Variants in SLC22A5 observed in about 807,000 individuals in gnomAD.
SLC22A5 encodes solute carrier family 22 member 5.
A neutral mutation model predicts 56.7 loss-of-function variants in SLC22A5; 44 were observed. The ratio of observed to expected loss-of-function variants is 0.78; its 90% CI spans 0.61 to 1.00. SLC22A5 has a LOEUF of 1.00. SLC22A5 is among the 50% of genes least tolerant of loss of function. The pLI, the probability that SLC22A5 is intolerant of heterozygous loss-of-function variation, is 0.00. For missense variants in SLC22A5, 675 were observed against 723.0 expected (o/e 0.93, Z 0.76); for synonymous variants, 278 against 292.1 (o/e 0.95, Z 0.49).
intron 3 of SLC22A5, 136 bp downstream of exon 3, chr5:132,384,437 G>T (rs1293925762): frequency 1.1e-6 from 1 of 947,898 alleles, no homozygotes; most frequent in African/African-American, 1.6e-5. Context: ...GCTTCCTGGT[G>T]AACCTTACTT....
rs1284515414 is a variant in SLC22A5, at chr5:132,394,972, A to C, written c.*700A>C. 6.6e-6 allele frequency: 1 copy of C among 152,478 alleles called. No homozygotes were observed. The highest frequency in any genetic ancestry group is 1.5e-5 in the Non-Finnish European group (1 of 68,164). 9.4% of individuals were successfully genotyped at this position (152,478 alleles called of 1,614,324 possible). A position where few individuals can be genotyped will look rare whatever the true frequency, so the allele number is the denominator to read the frequency against. On this transcript the variant is annotated 3_prime_UTR_variant, in exon 10 of 10. Coordinates refer to ENST00000245407, the MANE Select transcript of SLC22A5 (RefSeq NM_003060.4). ...CAGGCTCATAATAAATGCTCCATTG[A>C]ATCTACTATTCTTGTTTTCCACTGC...
At chr5:132,392,667 C>T in intron 8 of SLC22A5, 52 bp downstream of exon 8, 3 of 1,521,336 alleles carry the variant, frequency 2.0e-6, no homozygotes, top group Non-Finnish European at 1.8e-6. Flanking sequence ...GAAGTACTAA[C>T]TGGCTTGAAT....
In SLC22A5 at chr5:132,384,793, A is replaced by G. The variant is rs1752465839; in HGVS notation, c.652+492A>G. On this transcript the variant is annotated intron_variant, in intron 3 of 9. Transcript: ENST00000245407. ...ATAGGAAGGGGCTTTCGTCACCTTCAGGGTTTTAATTCAGAGTGCACACTG... is the reference window on the plus strand; with the variant it reads ...ATAGGAAGGGGCTTTCGTCACCTTCGGGGTTTTAATTCAGAGTGCACACTG... Among the ~76,000 whole-genome samples the G allele has an allele frequency of 2.6e-5, 4 of 152,214 alleles. No homozygotes were observed. In the South Asian group the frequency reaches 8.3e-4, roughly 32 times the overall value.
At position 132,385,449 on chromosome 5, in the gene SLC22A5, G is replaced by C; in HGVS notation, c.774G>C (p.Met258Ile). 6.2e-7 allele frequency: 1 copy of C among 1,614,202 alleles called. No homozygotes were observed. Among genetic ancestry groups the C allele is most frequent in the South Asian group, 1.1e-5 (1 of 91,082 alleles). Residue 258 changes from methionine to isoleucine, a missense_variant, in exon 4 of 10, where the codon ATG becomes ATC. Met to Ile is a conservative substitution (Grantham distance 10). Coordinates refer to ENST00000245407, the MANE Select transcript of SLC22A5 (RefSeq NM_003060.4). The stretch of plus-strand genomic sequence containing the variant: ...CTTACTTCATCCGAGACTGGCGGAT[G>C]CTGCTGGTGGCGCTGACGATGCCGG... ...LFAYFIRDWR[M>I]LLVALTMPGV...
At chr5:132,391,359 G>C in intron 7 of SLC22A5, among the ~76,000 whole-genome samples, 1 of 152,168 alleles carries the variant, frequency 6.6e-6, no homozygotes, top group Non-Finnish European at 1.5e-5. Context: ...TAGATGAGAA[G>C]ACAGACAACA....
chr5:132,387,042 C>G lies in SLC22A5; in HGVS notation c.842C>G (p.Pro281Arg). The change falls in exon 5 of 10, where the codon CCC becomes CGC. Residue 281 changes from proline (P) to arginine (R), a missense_variant. By Grantham distance (103) the Pro-to-Arg change is moderately radical. Transcript: ENST00000245407. ...VALWWFIPES[P>R]RWLISQGRFE... ...ACTGCCAGGTTCATCCCTGAGTCCC[C>G]CCGATGGCTCATCTCTCAGGGACGA... 1 of 1,614,136 alleles carries G rather than the reference C, an allele frequency of 6.2e-7. No individual in the cohort carries two copies. The highest frequency in any genetic ancestry group is 8.5e-7 in the Non-Finnish European group (1 of 1,179,980).
chr5:132,383,933 C>T lies in SLC22A5; in HGVS notation c.498-214C>T, dbSNP rs942415433. ...AATTGTAGCATTGCTTTTTAGGCAA[C>T]CCTGGTACCCAGGCTGTACATTTGT... On this transcript the variant is annotated intron_variant, in intron 2 of 9. Transcript: ENST00000245407. The T allele has an allele frequency of 2.3e-5, 14 of 604,186 alleles. No individual in the cohort carries two copies. In the Admixed American group the frequency reaches 3.9e-4, roughly 17 times the overall value. The allele number at this position is 604,186 out of a possible 1,614,324, so 37.4% of individuals were successfully genotyped here.
rs771588323 is a variant in SLC22A5 at position 132,393,659 on chromosome 5, C to T, written c.1451-17C>T. 4.3e-6 allele frequency: 7 copies of T among 1,614,038 alleles called. No individual in the cohort carries two copies. The highest frequency in any genetic ancestry group is 2.7e-5 in the African/African-American group (2 of 75,038). ...AACTGCAGCCCTGGGCCTGAGGCTC[C>T]GTCTGCTTTGCCATAGGTGCCTACG... On this transcript the variant is annotated splice_polypyrimidine_tract_variant and intron_variant, in intron 8 of 9. Transcript: ENST00000245407.
chr5:132,389,788 C>T (rs1752642392), intron 6 of SLC22A5: 1 of 154,762 alleles, frequency 6.5e-6, no homozygotes, highest in Non-Finnish European at 1.4e-5. Flanking sequence ...CAAGGAATGG[C>T]CCAGGATCCC....
intron 1 of SLC22A5, chr5:132,378,176 G>A (rs1196391803): frequency 4.4e-6 from 7 of 1,588,480 alleles, no homozygotes; most frequent in Non-Finnish European, 6.0e-6. Context: ...AGACAGTGGG[G>A]CCTACAATGC....
chr5:132,383,383 A>G (rs559723386), intron 2 of SLC22A5: 2 of 152,442 alleles, frequency 1.3e-5, no homozygotes, highest in Middle Eastern at 6.8e-3. Flanking sequence ...AACCTGAGCT[A>G]TTCCACCTAT....
In SLC22A5 at chr5:132,392,510, T is replaced by G. The variant is rs11568514; in HGVS notation, c.1345T>G (p.Tyr449Asp). 2.0e-4 allele frequency: 327 copies of G among 1,614,180 alleles called. 1 individual carries two copies. The African/African-American group carries it at 4.0e-3, about 20-fold the overall frequency. The change falls in exon 8 of 10, where the codon TAC (tyrosine) becomes GAC (aspartate). Residue 449 changes from tyrosine (Y) to aspartate (D), a missense_variant. Coordinates refer to ENST00000245407, the MANE Select transcript of SLC22A5 (RefSeq NM_003060.4). ...GGCTGCCTTTTCCATGGTCTACGTG[T>G]ACACAGCCGAGCTGTATCCCACAGT... ...VTAAFSMVYVYTAELYPTVVR... is the reference protein window; with the variant it reads ...VTAAFSMVYVDTAELYPTVVR...
At chr5:132,370,856 C>T (rs186672641) in intron 1 of SLC22A5, among the ~76,000 whole-genome samples, 5 of 152,220 alleles carry the variant, frequency 3.3e-5, no homozygotes, top group South Asian at 4.1e-4. Context: ...CCTTTTTCCT[C>T]TAGTTACTCC....
chr5:132,390,951 T>TA, intron 7 of SLC22A5, 47 bp downstream of exon 7: 2 of 1,439,388 alleles, frequency 1.4e-6, no homozygotes, highest in Non-Finnish European at 2.0e-6. Flanking sequence ...CTGAGTCTCT[T>TA]ACTGTCTACC....
At chr5:132,376,448 C>T (rs919889391) in intron 1 of SLC22A5, 5 of 152,254 alleles carry the variant, frequency 3.3e-5, no homozygotes, top group Admixed American at 1.3e-4. Context: ...AAAATGAGCA[C>T]TATAGTCACC....
At chr5:132,382,124 T>A (rs1341551444) in intron 2 of SLC22A5, 1 of 152,148 alleles carries the variant, frequency 6.6e-6, no homozygotes, top group Admixed American at 6.5e-5. Context: ...ATATCTGGCC[T>A]CTACTCATTA....
Position 132,369,907 on chromosome 5 carries a change from G to C in SLC22A5, c.-66G>C. The C allele has an allele frequency of 6.3e-7, 1 of 1,583,160 alleles. No homozygotes were observed. Among genetic ancestry groups the C allele is most frequent in the South Asian group, 1.1e-5 (1 of 88,348 alleles). On this transcript the variant is annotated 5_prime_UTR_variant, in exon 1 of 10. Coordinates refer to ENST00000245407, the MANE Select transcript of SLC22A5 (RefSeq NM_003060.4). ...GCCTGGTCGGCGGCGGGTGCCCCGC[G>C]CGCACGCGCAAAGCCCGCCGCGTTC...
chr5:132,385,215 TAG>T (rs760146433), intron 3 of SLC22A5, 111 bp from the exon 4 acceptor site: 1 of 989,658 alleles, frequency 1.0e-6, no homozygotes, highest in South Asian at 1.3e-5. Context: ...GCCATGAACT[TAG>T]AGAGAGTTCT....
At position 132,370,261 on chromosome 5, in the gene SLC22A5, C is replaced by A. The variant is rs749314368; in HGVS notation, c.289C>A (p.Leu97Met). ...ATIANFSALG[L>M]EPGRDVDLGQ... ...CATCGCCAACTTCTCGGCGCTTGGG[C>A]TGGAGCCGGGGCGCGACGTGGACCT... The change falls in exon 1 of 10, where the codon CTG becomes ATG. Residue 97 changes from leucine to methionine, a missense_variant. Leu to Met is a conservative substitution (Grantham distance 15). Coordinates refer to ENST00000245407, the MANE Select transcript of SLC22A5 (RefSeq NM_003060.4). The A allele has an allele frequency of 6.3e-7, 1 of 1,588,922 alleles. No individual in the cohort carries two copies. The highest frequency in any genetic ancestry group is 1.1e-5 in the South Asian group (1 of 88,060).
Sources: allele counts gnomAD v4.1 joint callset (sites outside exome capture counted in the v4.1 genomes callset), GRCh38; gene constraint gnomAD v4.1.1; transcripts MANE v1.5; gene names NCBI Gene and HGNC (gene_info 2026-07-23, HGNC 2026-07-21).